DLGAP2: variants seen among roughly 807,000 people sequenced by gnomAD.
DLGAP2 encodes the protein disks large-associated protein 2.
DLGAP2 carries 26 observed loss-of-function variants against 100.3 expected under a neutral mutation model. The ratio of observed to expected loss-of-function variants is 0.26; its 90% CI spans 0.19 to 0.36. The LOEUF is 0.36. Ranked by LOEUF, DLGAP2 falls within the 10% of genes least tolerant of loss-of-function variation. The probability of loss-of-function intolerance (pLI) is 1.00; values close to 1 mark genes in which losing one functional copy is unlikely to be tolerated. For missense variants in DLGAP2, 1,858 were observed against 1,453.2 expected (o/e 1.28, Z -4.53); for synonymous variants, 886 against 630.1 (o/e 1.41, Z -6.08).
chr8:1,343,679 G>C (rs10094960), intron 3 of DLGAP2, among the ~76,000 whole-genome samples: 1 of 151,402 alleles, frequency 6.6e-6, no homozygotes, highest in Non-Finnish European at 1.5e-5. Context: ...TCCGCAGTCA[G>C]CTTTTGGAGC....
intron 6 of DLGAP2, among the ~76,000 whole-genome samples, chr8:1,577,875 G>A (rs1803056060): frequency 6.6e-6 from 1 of 152,210 alleles, no homozygotes; most frequent in South Asian, 2.1e-4. Context: ...CAAGTCCTGA[G>A]CCCCGCCCGG....
intron 1 of DLGAP2, among the ~76,000 whole-genome samples, chr8:886,054 A>G (rs184501026): frequency 7.2e-5 from 11 of 152,284 alleles, no homozygotes; most frequent in Admixed American, 3.9e-4. Flanking sequence ...TTGATAGGCT[A>G]TTAATTACTG....
At chr8:1,424,393 T>C (rs1338315096) in intron 3 of DLGAP2, among the ~76,000 whole-genome samples, 1 of 152,216 alleles carries the variant, frequency 6.6e-6, no homozygotes, top group Non-Finnish European at 1.5e-5. Flanking sequence ...CAGAGCATAC[T>C]GATATTGGCA....
intron 2 of DLGAP2, among the ~76,000 whole-genome samples, chr8:1,063,804 C>T (rs909081472): frequency 2.0e-5 from 3 of 152,090 alleles, no homozygotes; most frequent in African/African-American, 7.2e-5. Flanking sequence ...TAATTTTGTT[C>T]CCAGAGCTCG....
chr8:1,505,665 A>T (rs1799884554), intron 4 of DLGAP2, among the ~76,000 whole-genome samples: 1 of 152,254 alleles, frequency 6.6e-6, no homozygotes, highest in African/African-American at 2.4e-5. Context: ...AATGTAGCAC[A>T]TTCAAAACGA....
chr8:764,345 G>A (rs1821156832), intron 1 of DLGAP2, among the ~76,000 whole-genome samples: 4 of 152,018 alleles, frequency 2.6e-5, no homozygotes, highest in Non-Finnish European at 4.4e-5. Context: ...ACCTTTACTC[G>A]GTAATTTTCT....
At chr8:770,496 CAT>C (rs1821328809) in intron 1 of DLGAP2, among the ~76,000 whole-genome samples, 1 of 152,156 alleles carries the variant, frequency 6.6e-6, no homozygotes, top group Non-Finnish European at 1.5e-5. Context: ...TGCAGGAAGC[CAT>C]ATGTTCCTCA....
chr8:1,618,751 T>C (rs1196859312), intron 6 of DLGAP2, among the ~76,000 whole-genome samples: 2 of 152,118 alleles, frequency 1.3e-5, no homozygotes, highest in African/African-American at 4.8e-5. Context: ...TTGTCTCTCA[T>C]TGGGGGGATC....
chr8:1,553,122 C>G (rs903753752), intron 5 of DLGAP2, among the ~76,000 whole-genome samples: 1 of 152,186 alleles, frequency 6.6e-6, no homozygotes, highest in African/African-American at 2.4e-5. Context: ...GATGGAGGGA[C>G]AGCGGGGCCC....
chr8:781,088 G>A lies in DLGAP2; in HGVS notation c.18+43263G>A, dbSNP rs553845179. Among the ~76,000 whole-genome samples, 6 of 152,006 alleles carry A rather than the reference G, an allele frequency of 3.9e-5. No homozygotes were observed. The South Asian group carries it at 1.0e-3, about 26-fold the overall frequency. ...TATGTATAGATAACCCCTTTTTTTG[G>A]TTTTTATTATTGACTGATCTTTATT... On this transcript the variant is annotated intron_variant, in intron 1 of 14. Coordinates refer to ENST00000637795, the MANE Select transcript of DLGAP2 (RefSeq NM_001346810.2).
At chr8:1,190,632 G>C (rs764128193) in intron 2 of DLGAP2, among the ~76,000 whole-genome samples, 4 of 152,194 alleles carry the variant, frequency 2.6e-5, no homozygotes, top group Non-Finnish European at 4.4e-5. Flanking sequence ...GACTGTGCGA[G>C]GTTGTGAGTG....
intron 3 of DLGAP2, among the ~76,000 whole-genome samples, chr8:1,495,489 C>G (rs1478685832): frequency 6.6e-6 from 1 of 152,214 alleles, no homozygotes; most frequent in Non-Finnish European, 1.5e-5. Flanking sequence ...GCTGAGGGGC[C>G]GCCATCATGA....
At chr8:1,508,222 C>T (rs1473322438) in intron 4 of DLGAP2, among the ~76,000 whole-genome samples, 1 of 151,582 alleles carries the variant, frequency 6.6e-6, no homozygotes, top group South Asian at 2.1e-4. Flanking sequence ...AAACATCACG[C>T]GTCCCATTCT....
chr8:864,775 T>G (rs1224475079), intron 1 of DLGAP2, among the ~76,000 whole-genome samples: 1 of 152,170 alleles, frequency 6.6e-6, no homozygotes, highest in Non-Finnish European at 1.5e-5. Context: ...GCCAGGGTCC[T>G]GCGTTAACAC....
intron 8 of DLGAP2, among the ~76,000 whole-genome samples, chr8:1,645,245 A>G (rs576525901): frequency 6.6e-6 from 1 of 152,320 alleles, no homozygotes; most frequent in South Asian, 2.1e-4. Context: ...AATCATCCAC[A>G]TTCTGTAGAA....
intron 4 of DLGAP2, among the ~76,000 whole-genome samples, chr8:1,538,751 C>G (rs1010435063): frequency 6.6e-6 from 1 of 152,152 alleles, no homozygotes; most frequent in Non-Finnish European, 1.5e-5. Context: ...CAGCCCTCCC[C>G]GCAGCGTGGC....
At chr8:1,602,236 C>T (rs1563249803) in intron 6 of DLGAP2, among the ~76,000 whole-genome samples, 2 of 152,126 alleles carry the variant, frequency 1.3e-5, no homozygotes, top group Admixed American at 6.5e-5. Flanking sequence ...TTCTAGTAAA[C>T]AGTGTAAGAT....
intron 3 of DLGAP2, among the ~76,000 whole-genome samples, chr8:1,342,496 A>G: frequency 7.3e-6 from 1 of 137,444 alleles, no homozygotes; most frequent in East Asian, 2.2e-4. Flanking sequence ...TGAAGGGCCA[A>G]GTAGTTAATA....
At chr8:1,010,236 A>C (rs1301621372) in intron 2 of DLGAP2, among the ~76,000 whole-genome samples, 1 of 152,188 alleles carries the variant, frequency 6.6e-6, no homozygotes. Flanking sequence ...ACACACATAC[A>C]CACATGTGCC....
Sources: gnomAD v4.1 joint callset for allele counts (sites outside exome capture counted in the v4.1 genomes callset) on GRCh38, gnomAD v4.1.1 for gene constraint, MANE v1.5 for transcripts, NCBI Gene and HGNC (gene_info 2026-07-23, HGNC 2026-07-21) for gene names.